CNOT6: variants seen among roughly 807,000 people sequenced by gnomAD.
CNOT6 encodes carbon catabolite repression 4 protein.
A neutral mutation model predicts 61.2 loss-of-function variants in CNOT6; 12 were observed. That is an observed-to-expected ratio of 0.20 (90% CI 0.13 to 0.32). The LOEUF is 0.32. Ranked by LOEUF, CNOT6 falls within the 10% of genes least tolerant of loss-of-function variation. CNOT6 has a pLI of 1.00. For missense variants in CNOT6, 405 were observed against 663.9 expected (o/e 0.61, Z 4.28); for synonymous variants, 225 against 240.6 (o/e 0.94, Z 0.60).
rs1761062394 is a variant in CNOT6, at chr5:180,577,524, C to T, written c.*3324C>T. 6.6e-6 allele frequency: 1 copy of T among 152,574 alleles called. No individual in the cohort carries two copies. Among genetic ancestry groups the T allele is most frequent in the South Asian group, 2.1e-4 (1 of 4,828 alleles). 9.5% of individuals were successfully genotyped at this position (152,574 alleles called of 1,614,324 possible). ...CCAGTACAGATGTTGCAGATAATTC[C>T]AAGAACTCCTTCAGCAGGTGTTCTT... On this transcript the variant is annotated 3_prime_UTR_variant, in exon 12 of 12. Transcript: ENST00000261951.
chr5:180,532,649 C>T (rs963944702), intron 2 of CNOT6, among the ~76,000 whole-genome samples: 1 of 152,134 alleles, frequency 6.6e-6, no homozygotes, highest in Non-Finnish European at 1.5e-5. Context: ...CACTGTCTTC[C>T]TGGAGGTAGC....
intron 1 of CNOT6, among the ~76,000 whole-genome samples, chr5:180,502,553 ATAG>A (rs59161500): frequency 0.044 from 6,737 of 152,342 alleles, 331 homozygotes; most frequent in African/African-American, 0.12. Context: ...TAAGTGTAAA[ATAG>A]TAGCAAAGAG....
Position 180,577,175 on chromosome 5 carries a change from G to GTGTGTGTA in CNOT6, c.*2982_*2983insATGTGTGT, listed in dbSNP as rs1554105024. ...AACATCTCCAGAAATGTGTGTGTGTGTGTGTGTGTGTGTGTGTGTGTTTAA... is the reference window on the plus strand; with the variant it reads ...AACATCTCCAGAAATGTGTGTGTGTGTGTGTGTATGTGTGTGTGTGTGTGTGTGTTTAA... On this transcript the variant is annotated 3_prime_UTR_variant, in exon 12 of 12. Coordinates refer to ENST00000261951, the MANE Select transcript of CNOT6 (RefSeq NM_001370472.1). The GTGTGTGTA allele has an allele frequency of 6.6e-6, 1 of 151,522 alleles. No individual in the cohort carries two copies. Among genetic ancestry groups the GTGTGTGTA allele is most frequent in the Non-Finnish European group, 1.5e-5 (1 of 67,862 alleles). The allele number at this position is 151,522 out of a possible 1,614,324, so 9.4% of individuals were successfully genotyped here.
rs748039211 is a variant in CNOT6 at position 180,564,613 on chromosome 5, A to G, written c.490+20A>G. The G allele has an allele frequency of 5.6e-6, 9 of 1,610,262 alleles. No individual in the cohort carries two copies. Among genetic ancestry groups the G allele is most frequent in the Non-Finnish European group, 7.6e-6 (9 of 1,176,542 alleles). ...AAAGAAGTAAGTGGTTATTTGTTTA[A>G]ACCTTTTTATTAGGAAGACGTGTAA... On this transcript the variant is annotated intron_variant, in intron 5 of 11. Coordinates refer to ENST00000261951, the MANE Select transcript of CNOT6 (RefSeq NM_001370472.1).
chr5:180,520,510 C>T (rs987107610), intron 1 of CNOT6, among the ~76,000 whole-genome samples: 10 of 152,050 alleles, frequency 6.6e-5, no homozygotes, highest in Non-Finnish European at 1.3e-4. Context: ...GGCATGGTGG[C>T]GCCTGCCTGT....
intron 2 of CNOT6, among the ~76,000 whole-genome samples, chr5:180,539,548 G>GTTGTTTTTTTTTTTT (rs1561648866): frequency 2.2e-5 from 1 of 45,826 alleles, no homozygotes; most frequent in African/African-American, 7.6e-5. Flanking sequence ...TACTTTTTCT[G>GTTGTTTTTTTTTTTT]TTCTTTTTTT....
chr5:180,546,017 A>T (rs1023902273), intron 2 of CNOT6, among the ~76,000 whole-genome samples: 1 of 149,248 alleles, frequency 6.7e-6, no homozygotes, highest in Non-Finnish European at 1.5e-5. Flanking sequence ...ATTATGTTTT[A>T]TTTCTTTCTC....
rs541612945 is a variant in CNOT6, at chr5:180,538,764, C to T, written c.112+9376C>T. 7.3e-5 allele frequency among the ~76,000 whole-genome samples: 11 copies of T among 149,736 alleles called. No homozygotes were observed. The East Asian group carries it at 2.2e-3, about 30-fold the overall frequency. On this transcript the variant is annotated intron_variant, in intron 2 of 11. Coordinates refer to ENST00000261951, the MANE Select transcript of CNOT6 (RefSeq NM_001370472.1). ...TAGTGTGCAACTGTGGTCCCAGCTA[C>T]CCAAGAGGCTGAGGTGGGAGCATTA...
In CNOT6 at chr5:180,574,279, C is replaced by T; in HGVS notation, c.*79C>T. The T allele has an allele frequency of 8.4e-7, 1 of 1,196,410 alleles. No individual in the cohort carries two copies. 74.1% of individuals were successfully genotyped at this position (1,196,410 alleles called of 1,614,324 possible). A position where few individuals can be genotyped will look rare whatever the true frequency, so the allele number is the denominator to read the frequency against. On this transcript the variant is annotated 3_prime_UTR_variant, in exon 12 of 12. Coordinates refer to ENST00000261951, the MANE Select transcript of CNOT6 (RefSeq NM_001370472.1). Reference sequence around the variant, plus strand: ...AACATAGGGGAGTGAGGTATGGCCACTGAGGATTTTTGCTTGCTTAAGAAT... The same window carrying T: ...AACATAGGGGAGTGAGGTATGGCCATTGAGGATTTTTGCTTGCTTAAGAAT...
chr5:180,519,866 GCT>G, intron 1 of CNOT6, among the ~76,000 whole-genome samples: 1 of 138,390 alleles, frequency 7.2e-6, no homozygotes, highest in Non-Finnish European at 1.5e-5. Flanking sequence ...AAGGAATCTC[GCT>G]CTATTGCCTA....
intron 6 of CNOT6, 52 bp from the exon 7 acceptor site, chr5:180,565,768 A>G (rs1760417463): frequency 2.0e-6 from 3 of 1,464,440 alleles, no homozygotes; most frequent in Non-Finnish European, 2.8e-6. Flanking sequence ...GAAATTAATT[A>G]TATATTTTTT....
chr5:180,562,831 A>G (rs1323042940), intron 4 of CNOT6, among the ~76,000 whole-genome samples: 2 of 152,140 alleles, frequency 1.3e-5, no homozygotes, highest in African/African-American at 4.8e-5. Flanking sequence ...AGTTGACTTC[A>G]TTTTCTCAAG....
chr5:180,540,528 G>T (rs536871045), intron 2 of CNOT6, among the ~76,000 whole-genome samples: 1 of 152,252 alleles, frequency 6.6e-6, no homozygotes, highest in East Asian at 1.9e-4. Context: ...ACAGTATTCA[G>T]TCATTACATG....
Position 180,569,373 on chromosome 5 carries a change from T to A in CNOT6, c.1258+33T>A, listed in dbSNP as rs761686926. 35 of 1,448,472 alleles carry A rather than the reference T, an allele frequency of 2.4e-5. No homozygotes were observed. In the African/African-American group the frequency reaches 4.5e-4, roughly 19 times the overall value. 89.7% of individuals were successfully genotyped at this position (1,448,472 alleles called of 1,614,324 possible). A position where few individuals can be genotyped will look rare whatever the true frequency, so the allele number is the denominator to read the frequency against. ...AATAATGTGATTTTATGTAGAATAT[T>A]TTTTGACATAAGATGATTTAGTAAT... On this transcript the variant is annotated intron_variant, in intron 10 of 11. Coordinates refer to ENST00000261951, the MANE Select transcript of CNOT6 (RefSeq NM_001370472.1).
At chr5:180,553,147 T>G (rs575122073) in intron 3 of CNOT6, among the ~76,000 whole-genome samples, 3 of 152,288 alleles carry the variant, frequency 2.0e-5, no homozygotes, top group African/African-American at 7.2e-5. Context: ...AAAAATTGGG[T>G]CTTACATTTT....
intron 1 of CNOT6, among the ~76,000 whole-genome samples, chr5:180,519,907 C>T (rs1460323978): frequency 6.6e-6 from 1 of 151,070 alleles, no homozygotes; most frequent in Non-Finnish European, 1.5e-5. Context: ...AATCTCTGCT[C>T]ACCACAACCT....
At chr5:180,547,553 C>T (rs757199398) in intron 2 of CNOT6, among the ~76,000 whole-genome samples, 3 of 151,972 alleles carry the variant, frequency 2.0e-5, no homozygotes, top group Non-Finnish European at 2.9e-5. Context: ...TTGTGCTCCT[C>T]TGTCAGTCTC....
chr5:180,554,085 T>C (rs1471154919), intron 4 of CNOT6, among the ~76,000 whole-genome samples: 3 of 152,176 alleles, frequency 2.0e-5, no homozygotes, highest in Admixed American at 6.5e-5. Flanking sequence ...TACTGTACAG[T>C]TGCTTCTTCA....
chr5:180,531,801 G>A (rs2127723294), intron 2 of CNOT6, among the ~76,000 whole-genome samples: 1 of 152,334 alleles, frequency 6.6e-6, no homozygotes, highest in East Asian at 1.9e-4. Flanking sequence ...CGGCCAACAT[G>A]GCGAAACCCC....
Sources: allele counts gnomAD v4.1 joint callset (sites outside exome capture counted in the v4.1 genomes callset), GRCh38; gene constraint gnomAD v4.1.1; transcripts MANE v1.5; gene names NCBI Gene and HGNC (gene_info 2026-07-23, HGNC 2026-07-21).